The following MTHFD1L variants were observed in gnomAD, a reference collection of about 807,000 sequenced individuals.
MTHFD1L encodes methylenetetrahydrofolate dehydrogenase (NADP+ dependent) 1 like.
Under a neutral mutation model 119.5 loss-of-function variants are expected in MTHFD1L, and 81 were observed. The ratio of observed to expected loss-of-function variants is 0.68; its 90% CI spans 0.57 to 0.82. MTHFD1L has a LOEUF of 0.82. Ranked by LOEUF, MTHFD1L falls within the 40% of genes least tolerant of loss-of-function variation. The probability of loss-of-function intolerance (pLI) is 0.00; values close to 1 mark genes in which losing one functional copy is unlikely to be tolerated. For missense variants in MTHFD1L, 1,125 were observed against 1,253.4 expected, an observed-to-expected ratio of 0.90 and a Z score of 1.55; for synonymous variants, 430 against 475.2, an observed-to-expected ratio of 0.90 and a Z score of 1.24.
chr6:150,953,068 A>G (rs1795077791), intron 16 of MTHFD1L, among the ~76,000 whole-genome samples: 1 of 152,082 alleles, frequency 6.6e-6, no homozygotes, highest in Admixed American at 6.5e-5. Flanking sequence ...ACTCCTGGCC[A>G]TGGACCAAGG....
At chr6:151,068,656 A>G (rs1562623972) in intron 26 of MTHFD1L, among the ~76,000 whole-genome samples, 1 of 152,188 alleles carries the variant, frequency 6.6e-6, no homozygotes, top group Non-Finnish European at 1.5e-5. Flanking sequence ...TTGAAAAGCT[A>G]ATTTAATAGA....
chr6:151,092,632 G>T, intron 27 of MTHFD1L, 45 bp downstream of exon 27: 1 of 1,205,440 alleles, frequency 8.3e-7, no homozygotes, highest in Non-Finnish European at 1.2e-6. Flanking sequence ...TTTTTTTCCA[G>T]TTCATATCCT....
chr6:151,046,471 G>GTGTATATATATATA (rs1171603108), intron 26 of MTHFD1L, among the ~76,000 whole-genome samples: 6 of 36,440 alleles, frequency 1.6e-4, no homozygotes, highest in Non-Finnish European at 3.1e-4. Flanking sequence ...ATGTGTGTGT[G>GTGTATATATATATA]TATATATATA....
chr6:150,938,972 C>G (rs1053901703), intron 13 of MTHFD1L, among the ~76,000 whole-genome samples: 1 of 152,168 alleles, frequency 6.6e-6, no homozygotes, highest in Non-Finnish European at 1.5e-5. Flanking sequence ...CGTGAATATT[C>G]ATATACATTG....
At chr6:151,009,695 A>G in intron 20 of MTHFD1L, 124 bp from the exon 21 acceptor site, 1 of 1,103,476 alleles carries the variant, frequency 9.1e-7, no homozygotes, top group Middle Eastern at 2.8e-4. Context: ...AAATCAGTTC[A>G]CCTTTGTGTT....
chr6:150,932,843 G>GAAGGAAGGAAGGAAGGAAGGAA (rs1432193734), intron 11 of MTHFD1L, among the ~76,000 whole-genome samples: 6 of 141,790 alleles, frequency 4.2e-5, no homozygotes, highest in African/African-American at 1.4e-4. Context: ...AGGAAGGAAG[G>GAAGGAAGGAAGGAAGGAAGGAA]GAGAGAGAGT....
At chr6:150,941,873 T>G (rs573336105) in intron 13 of MTHFD1L, among the ~76,000 whole-genome samples, 29 of 152,264 alleles carry the variant, frequency 1.9e-4, no homozygotes, top group South Asian at 1.0e-3. Flanking sequence ...AGTTGTGAAA[T>G]GGCCAAAGAG....
Position 150,903,203 on chromosome 6 carries a change from A to ATTTT in MTHFD1L, c.781-2418_781-2415dup, listed in dbSNP as rs774695918. Among the ~76,000 whole-genome samples, 78 of 85,444 alleles carry ATTTT rather than the reference A, an allele frequency of 9.1e-4. 2 individuals carry two copies. Among genetic ancestry groups the ATTTT allele is most frequent in the African/African-American group, 2.8e-3 (56 of 19,962 alleles). The allele number at this position is 85,444 out of a possible 152,430, so 56.1% of individuals were successfully genotyped here. ...GATTGCTGGTGATATTGGCTGCAAA[A>ATTTT]TTTTTTTTTTTTTTTTTTTTTTTTT... On this transcript the variant is annotated intron_variant, in intron 7 of 27. Coordinates refer to ENST00000367321, the MANE Select transcript of MTHFD1L (RefSeq NM_015440.5).
chr6:150,866,359 A>G, intron 1 of MTHFD1L: 1 of 1,421,352 alleles, frequency 7.0e-7, no homozygotes, highest in Non-Finnish European at 9.1e-7. Flanking sequence ...GCCGGCTCTG[A>G]TGCAATCGCG....
intron 2 of MTHFD1L, among the ~76,000 whole-genome samples, chr6:150,876,677 C>T (rs1478428553): frequency 6.6e-6 from 1 of 152,198 alleles, no homozygotes; most frequent in South Asian, 2.1e-4. Context: ...GGCTCTGGTT[C>T]TGAGCCACAG....
chr6:151,067,725 C>A (rs1057252402), intron 26 of MTHFD1L, among the ~76,000 whole-genome samples: 1 of 152,230 alleles, frequency 6.6e-6, no homozygotes, highest in Non-Finnish European at 1.5e-5. Flanking sequence ...ACCATGTATA[C>A]AAATGCATAT....
intron 7 of MTHFD1L, among the ~76,000 whole-genome samples, chr6:150,902,899 A>C (rs1785281198): frequency 6.6e-6 from 1 of 152,114 alleles, no homozygotes; most frequent in Non-Finnish European, 1.5e-5. Context: ...CAGTTGTTTT[A>C]CCGTGTTCTG....
In MTHFD1L at chr6:150,965,050, C is replaced by T. The variant is rs757962970; in HGVS notation, c.2013+13C>T. 20 of 1,611,692 alleles carry T rather than the reference C, an allele frequency of 1.2e-5. No individual in the cohort carries two copies. Among genetic ancestry groups the T allele is most frequent in the Non-Finnish European group, 1.6e-5 (19 of 1,178,016 alleles). On this transcript the variant is annotated intron_variant, in intron 19 of 27. Transcript: ENST00000367321. ...GCAGACCCTGGAAGTAAGTGGTTTTCTTCTTATAGTAATTGTTTGCATTAA... is the reference window on the plus strand; with the variant it reads ...GCAGACCCTGGAAGTAAGTGGTTTTTTTCTTATAGTAATTGTTTGCATTAA...
intron 11 of MTHFD1L, among the ~76,000 whole-genome samples, chr6:150,934,280 C>G (rs1209881098): frequency 6.6e-6 from 1 of 152,178 alleles, no homozygotes; most frequent in African/African-American, 2.4e-5. Flanking sequence ...CTGCCCCAAT[C>G]CACTCTCAGT....
intron 24 of MTHFD1L, chr6:151,022,442 G>C (rs775717459): frequency 5.6e-6 from 1 of 179,558 alleles, no homozygotes; most frequent in Non-Finnish European, 1.2e-5. Flanking sequence ...CCCTTTAATC[G>C]CTTTTACATG....
chr6:151,100,279 AC>A (rs1795269401), intron 27 of MTHFD1L, among the ~76,000 whole-genome samples: 1 of 151,760 alleles, frequency 6.6e-6, no homozygotes, highest in Admixed American at 6.6e-5. Flanking sequence ...CTCGTGATCC[AC>A]CCGTGAGCCA....
intron 7 of MTHFD1L, among the ~76,000 whole-genome samples, chr6:150,890,202 A>ATG (rs1161790794): frequency 1.3e-5 from 2 of 152,136 alleles, no homozygotes; most frequent in African/African-American, 2.4e-5. Context: ...GTGTGTATAT[A>ATG]TATATATAAT....
chr6:150,910,744 A>C (rs1258622833), intron 8 of MTHFD1L, among the ~76,000 whole-genome samples: 1 of 151,950 alleles, frequency 6.6e-6, no homozygotes, highest in Non-Finnish European at 1.5e-5. Context: ...GCTGCCAATA[A>C]ATGCTGGTCC....
chr6:150,869,519 T>A (rs1055800512), intron 1 of MTHFD1L, among the ~76,000 whole-genome samples: 4 of 152,156 alleles, frequency 2.6e-5, no homozygotes, highest in African/African-American at 9.7e-5. Context: ...TGCTTTCTTA[T>A]GGCTGCAATT....
Sources: allele counts gnomAD v4.1 joint callset (sites outside exome capture counted in the v4.1 genomes callset), GRCh38; gene constraint gnomAD v4.1.1; transcripts MANE v1.5; gene names NCBI Gene and HGNC (gene_info 2026-07-23, HGNC 2026-07-21).